The following CORO7 variants were observed in gnomAD, a reference collection of about 807,000 sequenced individuals.
CORO7 encodes coronin 7.
CORO7 carries 107 observed loss-of-function variants against 126.6 expected under a neutral mutation model. That is an observed-to-expected ratio of 0.85 (90% CI 0.72 to 0.99). The LOEUF is 0.99. Ranked by LOEUF, CORO7 falls within the 50% of genes least tolerant of loss-of-function variation. The pLI, the probability that CORO7 is intolerant of heterozygous loss-of-function variation, is 0.00. For synonymous variants in CORO7, 603 were observed against 536.8 expected (o/e 1.12, Z -1.70); for missense variants, 1,314 against 1,255.8 (o/e 1.05, Z -0.70).
Position 4,362,574 on chromosome 16 carries a change from C to A in CORO7, c.1402+38G>T, listed in dbSNP as rs1286277421. 1.3e-6 allele frequency: 2 copies of A among 1,512,022 alleles called. No homozygotes were observed. The highest frequency in any genetic ancestry group is 1.4e-5 in the African/African-American group (1 of 70,334). The allele number at this position is 1,512,022 out of a possible 1,614,324, so 93.7% of individuals were successfully genotyped here. On this transcript the variant is annotated intron_variant, in intron 15 of 27. Coordinates refer to ENST00000251166, the MANE Select transcript of CORO7 (RefSeq NM_024535.5). This position sits in a 1 kb window ranked among gnomAD's most constrained non-coding sequence, Gnocchi z 5.3. The stretch of plus-strand genomic sequence containing the variant: ...GACGGGGAGTGGGGCAGACAGGGCT[C>A]CTGCGGTAGGGGTGAGCTCCCCGTC...
Position 4,365,494 on chromosome 16 carries a change from T to C in CORO7, c.837A>G (p.Gly279=). ...DPDSGLLVLA[G]KGERQLYCYE... is the part of the protein sequence containing the mutation. ...GGAGCCCCAGCTTCTCACTCACCTT[T>C]CCTGCCAGGACCAGGAGCCCAGAGT... The change falls in exon 10 of 28, where the codon GGA becomes GGG. Residue 279 remains glycine, a synonymous_variant. Coordinates refer to ENST00000251166, the MANE Select transcript of CORO7 (RefSeq NM_024535.5). The C allele has an allele frequency of 6.4e-7, 1 of 1,570,944 alleles. No individual in the cohort carries two copies. The highest frequency in any genetic ancestry group is 2.4e-5 in the East Asian group (1 of 42,192).
chr16:4,416,388 G>A, intron 1 of CORO7, 71 bp downstream of exon 1: 1 of 1,466,874 alleles, frequency 6.8e-7, no homozygotes. Flanking sequence ...ACCCCTGTGG[G>A]GTCCGGGCAG....
chr16:4,382,374 C>G (rs1280784763), intron 9 of CORO7: 30 of 1,612,266 alleles, frequency 1.9e-5, no homozygotes, highest in Non-Finnish European at 2.5e-5. Flanking sequence ...TCACCTATCG[C>G]AACCTATCGG....
chr16:4,401,985 C>A (rs1329814010), intron 6 of CORO7, among the ~76,000 whole-genome samples: 1 of 151,158 alleles, frequency 6.6e-6, no homozygotes, highest in Non-Finnish European at 1.5e-5. Context: ...GTCGCCCAGG[C>A]TGGAGTGCAA....
At chr16:4,391,594 G>C (rs1218253023) in intron 7 of CORO7, among the ~76,000 whole-genome samples, 1 of 152,102 alleles carries the variant, frequency 6.6e-6, no homozygotes, top group Admixed American at 6.5e-5. Flanking sequence ...AGCTTGACGT[G>C]GTGGTGCGTG....
At chr16:4,365,221 G>A (rs906270069) in intron 10 of CORO7, among the ~76,000 whole-genome samples, 161 bp from the exon 11 acceptor site, 1 of 152,194 alleles carries the variant, frequency 6.6e-6, no homozygotes, top group Admixed American at 6.5e-5. Flanking sequence ...CTGAGCCCTA[G>A]GCTGACTACC....
In CORO7 at chr16:4,413,424, A is replaced by T. The variant is rs1446118662; in HGVS notation, c.61-20T>A. 1.5e-5 allele frequency: 23 copies of T among 1,555,972 alleles called. No individual in the cohort carries two copies. Among genetic ancestry groups the T allele is most frequent in the Non-Finnish European group, 2.0e-5 (23 of 1,148,674 alleles). On this transcript the variant is annotated intron_variant, in intron 1 of 27. Transcript: ENST00000251166. ...CCAGGACTGAAAATCAAGAGTAAAG[A>T]AGTATGTGGTGAGAGCCAGGGTTCC...
intron 4 of CORO7, 22 bp from the exon 5 acceptor site, chr16:4,407,706 T>C: frequency 1.3e-6 from 2 of 1,561,980 alleles, no homozygotes; most frequent in East Asian, 4.5e-5. Flanking sequence ...ACCAAGTCCG[T>C]GAGCACAGGG....
intron 7 of CORO7, 89 bp from the exon 8 acceptor site, chr16:4,388,720 C>A: frequency 7.4e-7 from 1 of 1,354,560 alleles, no homozygotes; most frequent in Non-Finnish European, 1.0e-6. Context: ...GGAACTTCTG[C>A]TGCCCACCTG....
intron 2 of CORO7, chr16:4,412,933 G>A (rs1195959036): frequency 8.2e-6 from 2 of 242,594 alleles, no homozygotes; most frequent in Non-Finnish European, 1.6e-5. Flanking sequence ...GCAATCAAGA[G>A]AGTGCCAACC....
chr16:4,416,389 G>A (rs1272130189), intron 1 of CORO7, 70 bp downstream of exon 1: 13 of 1,468,932 alleles, frequency 8.8e-6, no homozygotes, highest in Middle Eastern at 2.2e-4. Flanking sequence ...CCCCTGTGGG[G>A]TCCGGGCAGG....
intron 1 of CORO7, 137 bp from the exon 2 acceptor site, chr16:4,413,541 T>G (rs2056293193): frequency 2.8e-6 from 2 of 725,304 alleles, no homozygotes; most frequent in Non-Finnish European, 4.3e-6. Flanking sequence ...TTTTATTTAC[T>G]TTTTTTTTCT....
rs547389820 is a variant in CORO7 at position 4,406,482 on chromosome 16, A to C, written c.488-915T>G. On this transcript the variant is annotated intron_variant, in intron 5 of 27. Transcript: ENST00000251166. ...CCTGGCTGATTTTTTAATTTTTTGT[A>C]GAGATTGTGTCTCACTATGTTGCTC... is the stretch of plus-strand genomic sequence containing the variant. Among the ~76,000 whole-genome samples the C allele has an allele frequency of 2.0e-5, 3 of 151,062 alleles. No individual in the cohort carries two copies. The East Asian group carries it at 5.9e-4, about 30-fold the overall frequency.
intron 6 of CORO7, among the ~76,000 whole-genome samples, chr16:4,404,635 C>T (rs999480755): frequency 3.9e-5 from 6 of 152,162 alleles, no homozygotes. Context: ...GCTCCTCTAG[C>T]GCCCCCTCTC....
At chr16:4,398,704 T>C (rs1392176299) in intron 6 of CORO7, among the ~76,000 whole-genome samples, 1 of 149,764 alleles carries the variant, frequency 6.7e-6, no homozygotes, top group Non-Finnish European at 1.5e-5. Context: ...GCGTGGTGGC[T>C]CACACCTGTA....
At chr16:4,357,364 T>TC (rs1449954444) in intron 25 of CORO7, 105 bp from the exon 26 acceptor site, 8 of 1,278,664 alleles carry the variant, frequency 6.3e-6, no homozygotes, top group Non-Finnish European at 8.3e-6. Context: ...TCTTTTTTTT[T>TC]TTTTTTTTTT....
At chr16:4,388,942 C>T (rs573426548) in intron 7 of CORO7, among the ~76,000 whole-genome samples, 2 of 152,342 alleles carry the variant, frequency 1.3e-5, no homozygotes, top group South Asian at 4.1e-4. Flanking sequence ...GGCCCCTTCC[C>T]TGCTGCGCCA....
rs541906839 is a variant in CORO7, at chr16:4,388,118, A to C, written c.703-50T>G. The stretch of plus-strand genomic sequence containing the variant: ...TCAGAGGGGCCTGTCCCTCAGCCCC[A>C]CCCGGGGGGCTCCCAGGGAAACCAG... On this transcript the variant is annotated intron_variant, in intron 8 of 27. Transcript: ENST00000251166. 164 of 1,569,932 alleles carry C rather than the reference A, an allele frequency of 1.0e-4. No homozygotes were observed. In the African/African-American group the frequency reaches 1.8e-3, roughly 17 times the overall value.
chr16:4,410,942 C>T (rs1273226615), intron 3 of CORO7, among the ~76,000 whole-genome samples: 1 of 152,198 alleles, frequency 6.6e-6, no homozygotes, highest in African/African-American at 2.4e-5. Flanking sequence ...AGACCTCTGC[C>T]ACAGAGGCAG....
Sources: allele counts gnomAD v4.1 joint callset (sites outside exome capture counted in the v4.1 genomes callset), GRCh38; gene constraint gnomAD v4.1.1; non-coding constraint Gnocchi (gnomAD v3.1); transcripts MANE v1.5; gene names NCBI Gene and HGNC (gene_info 2026-07-23, HGNC 2026-07-21).